NCOA6: variants seen among roughly 807,000 people sequenced by gnomAD.
The protein encoded by NCOA6 is NRC RAP250.
In NCOA6, 49 loss-of-function variants were observed where a neutral mutation model predicts 171.4. The ratio of observed to expected loss-of-function variants is 0.29; its 90% CI spans 0.23 to 0.36. The LOEUF is 0.36. NCOA6 is among the 10% of genes least tolerant of loss of function. The pLI, the probability that NCOA6 is intolerant of heterozygous loss-of-function variation, is 1.00. For synonymous variants in NCOA6, 910 were observed against 927.5 expected (o/e 0.98, Z 0.34); for missense variants, 2,248 against 2,554.5 (o/e 0.88, Z 2.59).
chr20:34,793,167 G>C (rs2077951182), intron 1 of NCOA6, among the ~76,000 whole-genome samples: 1 of 152,040 alleles, frequency 6.6e-6, no homozygotes, highest in Non-Finnish European at 1.5e-5. Flanking sequence ...CATCACTTAA[G>C]AATCATAAAA....
intron 2 of NCOA6, among the ~76,000 whole-genome samples, chr20:34,787,312 C>G (rs537590989): frequency 6.6e-6 from 1 of 151,616 alleles, no homozygotes; most frequent in Non-Finnish European, 1.5e-5. Flanking sequence ...TCATTTGAGC[C>G]CAGGATTTTG....
intron 1 of NCOA6, among the ~76,000 whole-genome samples, chr20:34,798,128 A>G (rs2146420978): frequency 6.6e-6 from 1 of 152,190 alleles, no homozygotes; most frequent in Non-Finnish European, 1.5e-5. Flanking sequence ...CATTCATCAC[A>G]ACCTAACTCA....
At chr20:34,822,785 T>C (rs986100074) in intron 1 of NCOA6, among the ~76,000 whole-genome samples, 8 of 152,190 alleles carry the variant, frequency 5.3e-5, no homozygotes, top group South Asian at 4.1e-4. Context: ...CAGGAGTCTA[T>C]AGATAGGACT....
intron 13 of NCOA6, among the ~76,000 whole-genome samples, chr20:34,730,383 G>A (rs1373364450): frequency 1.3e-5 from 2 of 151,952 alleles, no homozygotes; most frequent in African/African-American, 4.8e-5. Context: ...CACTGTACCT[G>A]GCTAGATGAT....
chr20:34,825,393 C>T (rs1437802071), intron 1 of NCOA6, 79 bp downstream of exon 1: 3 of 149,912 alleles, frequency 2.0e-5, no homozygotes, highest in Non-Finnish European at 4.5e-5. Context: ...GGCGCCTCCT[C>T]CCCGCGAAGC....
chr20:34,729,836 C>A (rs374823215), intron 13 of NCOA6, among the ~76,000 whole-genome samples: 1 of 152,118 alleles, frequency 6.6e-6, no homozygotes, highest in Admixed American at 6.6e-5. Context: ...CTAGTAGCAC[C>A]GTGGTTGGGA....
intron 14 of NCOA6, among the ~76,000 whole-genome samples, chr20:34,719,177 A>T (rs1163065391): frequency 6.6e-6 from 1 of 152,154 alleles, no homozygotes; most frequent in Admixed American, 6.5e-5. Context: ...TTTTGACCTT[A>T]AGCAAATTTG....
chr20:34,811,392 A>G (rs2078660397), intron 1 of NCOA6, among the ~76,000 whole-genome samples: 1 of 151,772 alleles, frequency 6.6e-6, no homozygotes, highest in South Asian at 2.1e-4. Context: ...TCTGTTGTCT[A>G]GGTGCAACAA....
intron 14 of NCOA6, among the ~76,000 whole-genome samples, chr20:34,717,737 C>G (rs1219827368): frequency 1.3e-5 from 2 of 152,190 alleles, no homozygotes; most frequent in Admixed American, 6.5e-5. Flanking sequence ...TCCCTAAAAT[C>G]AACTCTTCAG....
intron 1 of NCOA6, among the ~76,000 whole-genome samples, chr20:34,812,665 C>T (rs918173408): frequency 6.6e-6 from 1 of 151,988 alleles, no homozygotes; most frequent in Non-Finnish European, 1.5e-5. Flanking sequence ...TAAATCTGTG[C>T]CCAAATTGCA....
intron 3 of NCOA6, chr20:34,776,715 T>G (rs1251738835): frequency 1.8e-6 from 1 of 565,870 alleles, no homozygotes; most frequent in Non-Finnish European, 3.3e-6. Flanking sequence ...ATATGATTTT[T>G]GGGTACAAAT....
rs768171771 is a variant in NCOA6 at position 34,740,468 on chromosome 20, C to A, written c.5788G>T (p.Val1930Leu). 1 of 1,614,160 alleles carries A rather than the reference C, an allele frequency of 6.2e-7. No individual in the cohort carries two copies. Among genetic ancestry groups the A allele is most frequent in the Admixed American group, 1.7e-5 (1 of 60,020 alleles). ...TLVPSELISA[V>L]PTTKSNHGGI... ...CCATGATTGCTTTTTGTGGTCGGTACGGCGGAGATGAGCTCGGAGGGTACC... is the reference window on the plus strand; with the variant it reads ...CCATGATTGCTTTTTGTGGTCGGTAAGGCGGAGATGAGCTCGGAGGGTACC... Residue 1930 changes from valine to leucine, a missense_variant, in exon 11 of 15, where the codon GTA becomes TTA. Coordinates refer to ENST00000359003, the MANE Select transcript of NCOA6 (RefSeq NM_014071.5).
chr20:34,747,662 AT>A (rs1425517185), intron 9 of NCOA6, among the ~76,000 whole-genome samples: 1 of 151,988 alleles, frequency 6.6e-6, no homozygotes, highest in Non-Finnish European at 1.5e-5. Flanking sequence ...CTTTGCCCTG[AT>A]TTTGTTCACC....
intron 5 of NCOA6, among the ~76,000 whole-genome samples, chr20:34,767,814 G>T (rs1206110816): frequency 6.6e-6 from 1 of 152,168 alleles, no homozygotes; most frequent in Non-Finnish European, 1.5e-5. Context: ...GGAGTTAGAA[G>T]ATCTGTGATA....
At chr20:34,796,063 T>C (rs1233075826) in intron 1 of NCOA6, among the ~76,000 whole-genome samples, 3 of 141,760 alleles carry the variant, frequency 2.1e-5, no homozygotes, top group African/African-American at 5.3e-5. Flanking sequence ...TAGGCTAGAG[T>C]GCGGTGGCAT....
At chr20:34,717,118 A>G (rs1160588210) in intron 14 of NCOA6, among the ~76,000 whole-genome samples, 1 of 152,196 alleles carries the variant, frequency 6.6e-6, no homozygotes, top group Non-Finnish European at 1.5e-5. Flanking sequence ...GATTGTAAGG[A>G]AAAATTTCAC....
At chr20:34,722,054 CAAAAAAAAAAAAAAAAA>C (rs71196757) in intron 14 of NCOA6, among the ~76,000 whole-genome samples, 1 of 63,388 alleles carries the variant, frequency 1.6e-5, no homozygotes, top group Non-Finnish European at 2.8e-5. Context: ...GACCCTGTCT[CAAAAAAAAAAAAAAAAA>C]AAAAAAAAAA....
At chr20:34,750,950 G>A (rs2076458539) in intron 8 of NCOA6, among the ~76,000 whole-genome samples, 1 of 151,660 alleles carries the variant, frequency 6.6e-6, no homozygotes, top group Non-Finnish European at 1.5e-5. Flanking sequence ...GGAGGTGGAG[G>A]TTGAAGTGAG....
chr20:34,752,880 C>T (rs1331604715), intron 8 of NCOA6, among the ~76,000 whole-genome samples: 1 of 146,448 alleles, frequency 6.8e-6, no homozygotes, highest in African/African-American at 2.5e-5. Context: ...CGCCACTGCA[C>T]TCCAGCTTGG....
Sources: allele counts gnomAD v4.1 joint callset (sites outside exome capture counted in the v4.1 genomes callset), GRCh38; gene constraint gnomAD v4.1.1; transcripts MANE v1.5; gene names NCBI Gene and HGNC (gene_info 2026-07-23, HGNC 2026-07-21).